Variants in HHAT observed in about 807,000 individuals in gnomAD.
HHAT encodes the protein hedgehog acyltransferase, also known as protein-cysteine N-palmitoyltransferase HHAT.
In HHAT, 47 loss-of-function variants were observed where a neutral mutation model predicts 70.8. The ratio of observed to expected loss-of-function variants is 0.66; its 90% CI spans 0.53 to 0.85. The LOEUF (loss-of-function observed/expected upper bound fraction) is 0.85. Ranked by LOEUF, HHAT falls within the 40% of genes least tolerant of loss-of-function variation. HHAT has a pLI of 0.00. For missense variants in HHAT, 609 were observed against 604.8 expected (o/e 1.01, Z -0.07); for synonymous variants, 228 against 247.6 (o/e 0.92, Z 0.74).
intron 7 of HHAT, among the ~76,000 whole-genome samples, chr1:210,459,418 G>A (rs1418925650): frequency 6.6e-6 from 1 of 152,188 alleles, no homozygotes; most frequent in African/African-American, 2.4e-5. Flanking sequence ...TAAGTGCTGG[G>A]AATGCAAGAG....
At chr1:210,473,649 A>C (rs1339268812) in intron 8 of HHAT, among the ~76,000 whole-genome samples, 1 of 152,130 alleles carries the variant, frequency 6.6e-6, no homozygotes, top group Non-Finnish European at 1.5e-5. Context: ...TGGAGGCTTT[A>C]CCTGCTGCCC....
chr1:210,402,573 A>T (rs958166097), intron 5 of HHAT, among the ~76,000 whole-genome samples: 2 of 152,200 alleles, frequency 1.3e-5, no homozygotes, highest in African/African-American at 4.8e-5. Context: ...TTAGTGTCCG[A>T]TACTGCTCTG....
At chr1:210,533,934 G>A (rs2095342566) in intron 9 of HHAT, among the ~76,000 whole-genome samples, 2 of 152,228 alleles carry the variant, frequency 1.3e-5, no homozygotes, top group Non-Finnish European at 2.9e-5. Flanking sequence ...TGGCGGCTTG[G>A]TGATGCAGAA....
intron 4 of HHAT, among the ~76,000 whole-genome samples, chr1:210,391,055 A>G (rs1194766616): frequency 6.6e-6 from 1 of 152,186 alleles, no homozygotes; most frequent in Non-Finnish European, 1.5e-5. Context: ...TTTTACTTTT[A>G]GTTCCTTAAG....
intron 11 of HHAT, among the ~76,000 whole-genome samples, chr1:210,655,379 C>T (rs1424958288): frequency 6.6e-6 from 1 of 152,164 alleles, no homozygotes; most frequent in East Asian, 1.9e-4. Context: ...CTCCTCTGAC[C>T]CTGTAGACAA....
At chr1:210,570,374 C>A (rs1414102166) in intron 9 of HHAT, among the ~76,000 whole-genome samples, 1 of 152,150 alleles carries the variant, frequency 6.6e-6, no homozygotes, top group Non-Finnish European at 1.5e-5. Flanking sequence ...GCTGTGCAGC[C>A]CTGTGAGGCT....
intron 11 of HHAT, among the ~76,000 whole-genome samples, chr1:210,636,407 T>A (rs899068297): frequency 6.6e-5 from 10 of 152,208 alleles, no homozygotes; most frequent in African/African-American, 2.4e-4. Context: ...GTTTTTGAGG[T>A]CCACCTGTTA....
chr1:210,637,116 C>T (rs1672009572), intron 11 of HHAT, among the ~76,000 whole-genome samples: 1 of 152,154 alleles, frequency 6.6e-6, no homozygotes, highest in Non-Finnish European at 1.5e-5. Flanking sequence ...TGATGACCCC[C>T]TACTAATGGT....
chr1:210,474,758 TGTG>T (rs1400878761), intron 8 of HHAT, among the ~76,000 whole-genome samples: 2 of 151,856 alleles, frequency 1.3e-5, no homozygotes, highest in Non-Finnish European at 2.9e-5. Flanking sequence ...AGGAGGGAAA[TGTG>T]GTGAACTTGC....
At chr1:210,669,777 T>TA (rs1574131586) in intron 11 of HHAT, among the ~76,000 whole-genome samples, 1 of 152,218 alleles carries the variant, frequency 6.6e-6, no homozygotes, top group East Asian at 1.9e-4. Flanking sequence ...AGCCCTAAAG[T>TA]ACACTCTTAA....
chr1:210,523,240 C>T (rs562428730), intron 9 of HHAT, among the ~76,000 whole-genome samples: 3 of 152,144 alleles, frequency 2.0e-5, no homozygotes, highest in African/African-American at 7.2e-5. Flanking sequence ...TCCCCTTGTG[C>T]CACTGCCACT....
chr1:210,344,643 C>T (rs550179018), intron 1 of HHAT, among the ~76,000 whole-genome samples: 1 of 152,216 alleles, frequency 6.6e-6, no homozygotes, highest in African/African-American at 2.4e-5. Context: ...CCAGACATTC[C>T]TAGAAATCCC....
intron 6 of HHAT, among the ~76,000 whole-genome samples, chr1:210,407,740 G>A (rs1478183409): frequency 1.3e-5 from 2 of 152,182 alleles, no homozygotes; most frequent in Non-Finnish European, 2.9e-5. Context: ...CCAAGTCAGC[G>A]GTGAGACAGG....
At chr1:210,391,454 TA>T (rs372407385) in intron 4 of HHAT, among the ~76,000 whole-genome samples, 6 of 152,318 alleles carry the variant, frequency 3.9e-5, no homozygotes, top group African/African-American at 9.6e-5. Context: ...AAAAACTTTT[TA>T]TCTAATGACA....
chr1:210,654,172 A>AGAATAGTGTGATGGCG (rs1558364032), intron 11 of HHAT, among the ~76,000 whole-genome samples: 6 of 76 alleles, frequency 0.079, no homozygotes, highest in African/African-American at 0.12. Context: ...GTGTGACAGC[A>AGAATAGTGTGATGGCG]GAATAGTGTG....
chr1:210,623,023 G>A (rs1669156085), intron 10 of HHAT, among the ~76,000 whole-genome samples: 1 of 152,160 alleles, frequency 6.6e-6, no homozygotes, highest in Admixed American at 6.5e-5. Context: ...AAACAACTTG[G>A]GGTATGTCAC....
At chr1:210,354,072 C>A (rs972745984) in intron 2 of HHAT, among the ~76,000 whole-genome samples, 4 of 152,060 alleles carry the variant, frequency 2.6e-5, no homozygotes, top group Non-Finnish European at 5.9e-5. Context: ...ATTAACGCTT[C>A]CAAAGGAGGA....
chr1:210,639,621 T>C (rs1342668831), intron 11 of HHAT, among the ~76,000 whole-genome samples: 1 of 152,198 alleles, frequency 6.6e-6, no homozygotes, highest in Non-Finnish European at 1.5e-5. Flanking sequence ...CAGTGTTAAA[T>C]GTGCATGACA....
Position 210,492,507 on chromosome 1 carries a change from G to A in HHAT, c.1008-20646G>A, listed in dbSNP as rs116104216. On this transcript the variant is annotated intron_variant, in intron 8 of 11. Coordinates refer to ENST00000261458, the MANE Select transcript of HHAT (RefSeq NM_018194.6). ...TTGAGAGATACTACCAAAGTAGAAT[G>A]TGTCTAACGTGGTTGTAATGGTTAG... is the stretch of plus-strand genomic sequence containing the variant. Among the ~76,000 whole-genome samples the A allele has an allele frequency of 7.3e-3, 1,118 of 152,288 alleles. 10 individuals are homozygous for A. The highest frequency in any genetic ancestry group is 0.024 in the African/African-American group (988 of 41,560).
Sources: gnomAD v4.1 joint callset for allele counts (sites outside exome capture counted in the v4.1 genomes callset) on GRCh38, gnomAD v4.1.1 for gene constraint, MANE v1.5 for transcripts, NCBI Gene and HGNC (gene_info 2026-07-23, HGNC 2026-07-21) for gene names.